The following CTNNA3 variants were observed in gnomAD, a reference collection of about 807,000 sequenced individuals.
CTNNA3 encodes the protein catenin alpha-3.
A neutral mutation model predicts 95.7 loss-of-function variants in CTNNA3; 76 were observed. That is an observed-to-expected ratio of 0.79 (90% CI 0.66 to 0.96). The LOEUF (loss-of-function observed/expected upper bound fraction) is 0.96, where lower values mean the gene tolerates loss of function less well. Ranked by LOEUF, CTNNA3 falls within the 40% of genes least tolerant of loss-of-function variation. The pLI is 0.00. For missense variants in CTNNA3, 1,191 were observed against 1,089.8 expected (o/e 1.09, Z -1.31); for synonymous variants, 431 against 374.4 (o/e 1.15, Z -1.74).
intron 5 of CTNNA3, among the ~76,000 whole-genome samples, chr10:67,289,770 GGATGGATGGACGGATGGATGGATGGTT>G (rs543362350): frequency 0.045 from 6,792 of 151,766 alleles, 496 homozygotes; most frequent in African/African-American, 0.15. Context: ...ATGGATGGAT[GGATGGATGGACGGATGGATGGATGGTT>G]GATGGATGGA....
rs368364925 is a variant in CTNNA3 at position 67,408,034 on chromosome 10, G to A, written c.579+113808C>T. Among the ~76,000 whole-genome samples the A allele has an allele frequency of 1.2e-3, 177 of 152,190 alleles. 3 individuals are homozygous for A. Among genetic ancestry groups the A allele is most frequent in the Middle Eastern group, 0.01 (3 of 294 alleles). ...AAATACCTAGGAATAGAGCTAACAC[G>A]GAAGTGAAGGACCTCTTCAAGGAGA... On this transcript the variant is annotated intron_variant, in intron 5 of 17. Transcript: ENST00000433211.
chr10:67,612,966 G>C (rs1039702600), intron 2 of CTNNA3, among the ~76,000 whole-genome samples: 1 of 152,130 alleles, frequency 6.6e-6, no homozygotes, highest in African/African-American at 2.4e-5. Context: ...ATTCCCACTA[G>C]AGCCGTCTCT....
chr10:67,673,542 C>T (rs1371215987), intron 1 of CTNNA3, among the ~76,000 whole-genome samples: 8 of 149,374 alleles, frequency 5.4e-5, no homozygotes, highest in South Asian at 2.1e-4. Flanking sequence ...CCCATCAATA[C>T]CTAATTTATT....
chr10:66,198,227 T>G (rs895383275), intron 13 of CTNNA3, among the ~76,000 whole-genome samples: 10 of 152,190 alleles, frequency 6.6e-5, no homozygotes, highest in Non-Finnish European at 8.8e-5. Context: ...AAGGAAAGCT[T>G]TTTTCCTTAA....
intron 9 of CTNNA3, among the ~76,000 whole-genome samples, chr10:66,653,608 A>C (rs546762720): frequency 6.6e-6 from 1 of 152,212 alleles, no homozygotes; most frequent in Non-Finnish European, 1.5e-5. Flanking sequence ...AAAATCCTAA[A>C]ATTCATATGC....
At chr10:66,092,416 G>T (rs1256647035) in intron 14 of CTNNA3, among the ~76,000 whole-genome samples, 1 of 150,994 alleles carries the variant, frequency 6.6e-6, no homozygotes, top group Non-Finnish European at 1.5e-5. Context: ...AATGTCTTAT[G>T]ATGGTTTATA....
chr10:66,064,838 GT>G (rs1488475441), intron 15 of CTNNA3, among the ~76,000 whole-genome samples: 3 of 152,094 alleles, frequency 2.0e-5, no homozygotes, highest in African/African-American at 7.2e-5. Flanking sequence ...CAAATTTTGT[GT>G]TTTTTTGTTT....
chr10:66,370,718 AT>A (rs2092747650), intron 12 of CTNNA3, among the ~76,000 whole-genome samples: 1 of 151,944 alleles, frequency 6.6e-6, no homozygotes, highest in East Asian at 1.9e-4. Flanking sequence ...ATTTTATTTT[AT>A]TTTTTTGAGA....
chr10:66,503,580 T>C (rs1840350507), intron 11 of CTNNA3, among the ~76,000 whole-genome samples: 1 of 152,074 alleles, frequency 6.6e-6, no homozygotes, highest in Admixed American at 6.6e-5. Context: ...GCAATTCTGC[T>C]GCCTCAGCCT....
chr10:67,213,772 A>T (rs1864235483), intron 6 of CTNNA3, among the ~76,000 whole-genome samples: 1 of 151,760 alleles, frequency 6.6e-6, no homozygotes, highest in Non-Finnish European at 1.5e-5. Context: ...ACCTAAATAC[A>T]TTTCTAGGTG....
chr10:66,103,720 G>A (rs889855552), intron 13 of CTNNA3, among the ~76,000 whole-genome samples: 1 of 152,090 alleles, frequency 6.6e-6, no homozygotes, highest in Non-Finnish European at 1.5e-5. Flanking sequence ...TAGGTGCTAG[G>A]GGAAAGGGGA....
intron 7 of CTNNA3, among the ~76,000 whole-genome samples, chr10:66,863,022 C>A (rs1844005054): frequency 6.6e-6 from 1 of 152,060 alleles, no homozygotes; most frequent in South Asian, 2.1e-4. Flanking sequence ...AGCTGCAAGC[C>A]AGCCATCCTT....
intron 1 of CTNNA3, among the ~76,000 whole-genome samples, chr10:67,652,380 C>G (rs1414022742): frequency 2.0e-5 from 3 of 152,196 alleles, no homozygotes; most frequent in African/African-American, 7.2e-5. Context: ...TTTCTGTTAT[C>G]ACATCTAAAG....
intron 13 of CTNNA3, among the ~76,000 whole-genome samples, chr10:66,134,908 T>G (rs2083278637): frequency 6.6e-6 from 1 of 152,112 alleles, no homozygotes; most frequent in Non-Finnish European, 1.5e-5. Flanking sequence ...ACACTCTTGG[T>G]TGGAAATATT....
intron 5 of CTNNA3, among the ~76,000 whole-genome samples, chr10:67,374,613 A>G (rs922086775): frequency 7.9e-5 from 12 of 152,088 alleles, no homozygotes; most frequent in South Asian, 4.1e-4. Flanking sequence ...ATTAATTTAT[A>G]ATTTTTATTG....
At chr10:66,470,562 T>C (rs1839090330) in intron 11 of CTNNA3, among the ~76,000 whole-genome samples, 2 of 151,972 alleles carry the variant, frequency 1.3e-5, no homozygotes, top group African/African-American at 4.8e-5. Flanking sequence ...GTTATAAACA[T>C]GGATTTTGGT....
chr10:66,550,268 A>T (rs918501091), intron 10 of CTNNA3, among the ~76,000 whole-genome samples: 21 of 152,156 alleles, frequency 1.4e-4, no homozygotes, highest in African/African-American at 5.1e-4. Flanking sequence ...ATGTTTACAG[A>T]TTCCATGATA....
intron 11 of CTNNA3, among the ~76,000 whole-genome samples, chr10:66,517,086 G>A (rs1840887514): frequency 6.6e-6 from 1 of 152,086 alleles, no homozygotes; most frequent in Non-Finnish European, 1.5e-5. Context: ...GCCAGGTGTG[G>A]TGGCACATGC....
At chr10:67,257,479 T>C (rs187187955) in intron 5 of CTNNA3, among the ~76,000 whole-genome samples, 10 of 152,352 alleles carry the variant, frequency 6.6e-5, no homozygotes, top group Non-Finnish European at 1.5e-4. Flanking sequence ...TTATTACATA[T>C]AATGTGGGAA....
Sources: gnomAD v4.1 joint callset for allele counts (sites outside exome capture counted in the v4.1 genomes callset) on GRCh38, gnomAD v4.1.1 for gene constraint, MANE v1.5 for transcripts, NCBI Gene and HGNC (gene_info 2026-07-23, HGNC 2026-07-21) for gene names.